Variants in SUN2 observed in about 807,000 individuals in gnomAD.
SUN2 encodes SUN domain-containing protein 2.
Under a neutral mutation model 100.0 loss-of-function variants are expected in SUN2, and 60 were observed. That is an observed-to-expected ratio of 0.60 (90% CI 0.49 to 0.74). The LOEUF is 0.74. SUN2 is among the 30% of genes least tolerant of loss of function. The pLI, the probability that SUN2 is intolerant of heterozygous loss-of-function variation, is 0.00. For missense variants in SUN2, 834 were observed against 954.6 expected (o/e 0.87, Z 1.66); for synonymous variants, 367 against 403.3 (o/e 0.91, Z 1.08).
chr22:38,744,978 C>T, intron 8 of SUN2: 1 of 463,780 alleles, frequency 2.2e-6, no homozygotes, highest in Middle Eastern at 3.3e-4. Flanking sequence ...TGTCATGTGA[C>T]CTTGTGGGCT....
At position 38,739,560 on chromosome 22, in the gene SUN2, G is replaced by T; in HGVS notation, c.1579-134C>A. ...CTGTGCTGGTGCCCAGGCAGATGTG[G>T]GCACACTGCCACCCACCCATGCCAG... On this transcript the variant is annotated intron_variant, in intron 13 of 17. Transcript: ENST00000689035. The surrounding 1 kb of genome is among the most constrained non-coding windows in gnomAD (Gnocchi z 6.7). 7.7e-7 allele frequency: 1 copy of T among 1,302,330 alleles called. No homozygotes were observed. The allele number at this position is 1,302,330 out of a possible 1,614,324, so 80.7% of individuals were successfully genotyped here.
intron 1 of SUN2, 40 bp from the exon 2 acceptor site, chr22:38,752,705 GGCTGTCCC>G: frequency 3.8e-6 from 6 of 1,568,462 alleles, no homozygotes; most frequent in Non-Finnish European, 5.2e-6. Context: ...TGAGGCCTGG[GGCTGTCCC>G]CAGCTCCTCT....
chr22:38,744,261 CAAAAAA>C (rs35027225), intron 8 of SUN2, among the ~76,000 whole-genome samples: 1 of 60,720 alleles, frequency 1.6e-5, no homozygotes, highest in Non-Finnish European at 3.2e-5. Context: ...GACTCTGTCT[CAAAAAA>C]AAAAAAAAAA....
At position 38,740,258 on chromosome 22, in the gene SUN2, C is replaced by T; in HGVS notation, c.1356+9G>A. 6.4e-7 allele frequency: 1 copy of T among 1,558,948 alleles called. No homozygotes were observed. The highest frequency in any genetic ancestry group is 8.7e-7 in the Non-Finnish European group (1 of 1,150,422). On this transcript the variant is annotated intron_variant, in intron 12 of 17. Coordinates refer to ENST00000689035, the MANE Select transcript of SUN2 (RefSeq NM_015374.3). This position sits in a 1 kb window ranked among gnomAD's most constrained non-coding sequence, Gnocchi z 4.8. ...AGGGACCAGCAGGGCCCTGGTGGTT[C>T]CCACTCACGTCGTCCCGCACGGCCT... is the stretch of plus-strand genomic sequence containing the variant.
Position 38,752,606 on chromosome 22 carries a change from A to C in SUN2, c.23T>G (p.Leu8Arg), listed in dbSNP as rs750875325. The change falls in exon 2 of 18, where the codon CTC becomes CGC. Residue 8 changes from leucine to arginine, a missense_variant. Around this residue, in one of 3 missense-constraint regions of SUN2, gnomAD observed 559 missense variants for 597.7 expected, o/e 0.94. Coordinates refer to ENST00000689035, the MANE Select transcript of SUN2 (RefSeq NM_015374.3). ...ATCGTCACCCTGGGAGTAGCGCGTG[A>C]GGCGCTGGCTTCTTCGGGACATGAT... MSRRSQR[L>R]TRYSQGDDDG... 3 of 1,613,748 alleles carry C rather than the reference A, an allele frequency of 1.9e-6. No homozygotes were observed. In the African/African-American group the frequency reaches 4.0e-5, roughly 22 times the overall value.
At chr22:38,736,411 C>G (rs1200886003) in intron 17 of SUN2, 31 bp from the exon 18 acceptor site, 1 of 1,576,594 alleles carries the variant, frequency 6.3e-7, no homozygotes, top group Admixed American at 1.8e-5. Context: ...TTAAGAGCAT[C>G]AGAGACCTGT....
rs1479636846 is a variant in SUN2 at position 38,735,516 on chromosome 22, C to G, written c.*751G>C. On this transcript the variant is annotated 3_prime_UTR_variant, in exon 18 of 18. Transcript: ENST00000689035. ...GGCAGGCCCTAGCAGGAACAGGGAG[C>G]AGGGTGGGCCCCAACCTAGCATCAG... The G allele has an allele frequency of 3.7e-6, 1 of 273,834 alleles. No homozygotes were observed. Among genetic ancestry groups the G allele is most frequent in the Non-Finnish European group, 7.2e-6 (1 of 137,986 alleles). 17.0% of individuals were successfully genotyped at this position (273,834 alleles called of 1,614,324 possible). A position where few individuals can be genotyped will look rare whatever the true frequency, so the allele number is the denominator to read the frequency against.
intron 7 of SUN2, 128 bp downstream of exon 7, chr22:38,748,585 A>G: frequency 9.4e-7 from 1 of 1,060,348 alleles, no homozygotes; most frequent in Non-Finnish European, 1.4e-6. Context: ...TCCAGGGTCC[A>G]GGGCTCAGGC....
Position 38,751,000 on chromosome 22 carries a change from C to A in SUN2, c.322G>T (p.Gly108Cys). The part of the protein sequence containing the change: ...DLRVRRRRGT[G>C]GSESSRASGL... The stretch of plus-strand genomic sequence containing the variant: ...CTGGCCCTGCTGCTCTCTGAGCCAC[C>A]CGTGCCTCTCCTCCTCCGCACCCGC... The change falls in exon 4 of 18, where the codon GGT becomes TGT. Residue 108 changes from glycine (G) to cysteine (C), a missense_variant. Coordinates refer to ENST00000689035, the MANE Select transcript of SUN2 (RefSeq NM_015374.3). 1 of 1,613,662 alleles carries A rather than the reference C, an allele frequency of 6.2e-7. No homozygotes were observed. Among genetic ancestry groups the A allele is most frequent in the South Asian group, 1.1e-5 (1 of 91,056 alleles).
Position 38,736,311 on chromosome 22 carries a change from T to C in SUN2, c.2110A>G (p.Thr704Ala). Residue 704 changes from threonine to alanine, a missense_variant, in exon 18 of 18, where the codon ACC (threonine) becomes GCC (alanine). Physicochemically the swap from Thr to Ala is moderately conservative, Grantham distance 58. Around this residue, in one of 3 missense-constraint regions of SUN2, gnomAD observed 80 missense variants for 76.7 expected, o/e 1.04. Coordinates refer to ENST00000689035, the MANE Select transcript of SUN2 (RefSeq NM_015374.3). ...TGCACTCTGAAGCGGTAGATGCAGGTGTACTCGGGGTGGCCCCAGTTAGTC... is the reference window on the plus strand; with the variant it reads ...TGCACTCTGAAGCGGTAGATGCAGGCGTACTCGGGGTGGCCCCAGTTAGTC... ...ILTNWGHPEY[T>A]CIYRFRVHGE... is the part of the protein sequence containing the mutation. The C allele has an allele frequency of 6.2e-7, 1 of 1,614,026 alleles. No homozygotes were observed. Among genetic ancestry groups the C allele is most frequent in the Non-Finnish European group, 8.5e-7 (1 of 1,179,942 alleles).
At position 38,736,305 on chromosome 22, in the gene SUN2, T is replaced by TG. The variant is rs2092804242; in HGVS notation, c.2115dup (p.Ile706HisfsTer28). On this transcript the variant is annotated frameshift_variant, in exon 18 of 18. Coordinates refer to ENST00000689035, the MANE Select transcript of SUN2 (RefSeq NM_015374.3). LOFTEE classifies it high-confidence loss of function. The stretch of plus-strand genomic sequence containing the variant: ...TCCCCATGCACTCTGAAGCGGTAGA[T>TG]GCAGGTGTACTCGGGGTGGCCCCAG... 6.2e-7 allele frequency: 1 copy of TG among 1,614,014 alleles called. No individual in the cohort carries two copies.
chr22:38,738,764 C>T lies in SUN2; in HGVS notation c.1780-10G>A. ...CTGGGTGCACATCTGGCTGGAGGAG[C>T]AGAAAGTCATGTCAGGACAGGGCCC... On this transcript the variant is annotated splice_polypyrimidine_tract_variant and intron_variant, in intron 15 of 17. Transcript: ENST00000689035. This position sits in a 1 kb window ranked among gnomAD's most constrained non-coding sequence, Gnocchi z 6.6. 1 of 1,612,562 alleles carries T rather than the reference C, an allele frequency of 6.2e-7. No homozygotes were observed. The highest frequency in any genetic ancestry group is 8.5e-7 in the Non-Finnish European group (1 of 1,179,346).
In SUN2 at chr22:38,736,463, C is replaced by T. The variant is rs76645925; in HGVS notation, c.2041-83G>A. On this transcript the variant is annotated intron_variant, in intron 17 of 17. Transcript: ENST00000689035. ...AGAAGGTGGGAAGGGGAGACAGCCT[C>T]GCCTAGGGCCAGATGGCTCCCCTGC... 2,477 of 1,159,168 alleles carry T rather than the reference C, an allele frequency of 2.1e-3. 50 individuals carry two copies. In the African/African-American group the frequency reaches 0.034, roughly 16 times the overall value. 71.8% of individuals were successfully genotyped at this position (1,159,168 alleles called of 1,614,324 possible).
At chr22:38,751,498 C>G (rs568234834) in intron 2 of SUN2, 125 bp from the exon 3 acceptor site, 2 of 963,506 alleles carry the variant, frequency 2.1e-6, no homozygotes, top group African/African-American at 3.3e-5. Context: ...TGCTAGGCAA[C>G]TCGCAGCTGC....
chr22:38,736,616 C>T (rs1731242543), intron 17 of SUN2: 3 of 377,998 alleles, frequency 7.9e-6, no homozygotes, highest in Non-Finnish European at 1.4e-5. Flanking sequence ...GGAATGAATT[C>T]ATCCACAATC....
rs1312409391 is a variant in SUN2, at chr22:38,738,775, G to A, written c.1780-21C>T. Reference sequence around the variant, plus strand: ...TCTGGCTGGAGGAGCAGAAAGTCATGTCAGGACAGGGCCCTGAGTCCAGCT... The same window carrying A: ...TCTGGCTGGAGGAGCAGAAAGTCATATCAGGACAGGGCCCTGAGTCCAGCT... On this transcript the variant is annotated intron_variant, in intron 15 of 17. Transcript: ENST00000689035. This position sits in a 1 kb window ranked among gnomAD's most constrained non-coding sequence, Gnocchi z 6.6. 6.2e-7 allele frequency: 1 copy of A among 1,611,606 alleles called. No homozygotes were observed. The highest frequency in any genetic ancestry group is 8.5e-7 in the Non-Finnish European group (1 of 1,178,730).
Position 38,749,744 on chromosome 22 carries a change from G to A in SUN2, c.614+22C>T, listed in dbSNP as rs535527925. 8 of 1,611,264 alleles carry A rather than the reference G, an allele frequency of 5.0e-6. No individual in the cohort carries two copies. In the Admixed American group the frequency reaches 6.7e-5, roughly 13 times the overall value. On this transcript the variant is annotated intron_variant, in intron 6 of 17. Coordinates refer to ENST00000689035, the MANE Select transcript of SUN2 (RefSeq NM_015374.3). ...CACCCCAGGGCCTTGCGATTTATTG[G>A]CAAGGGTGGAGTCTCGCTCACCTGG...
intron 7 of SUN2, 81 bp from the exon 8 acceptor site, chr22:38,745,892 T>C (rs1171501430): frequency 1.3e-6 from 2 of 1,546,282 alleles, no homozygotes; most frequent in East Asian, 2.3e-5. Flanking sequence ...ACCTGATCCC[T>C]GCCAGTGCTT....
chr22:38,749,120 G>A, intron 6 of SUN2: 1 of 261,530 alleles, frequency 3.8e-6, no homozygotes, highest in Non-Finnish European at 7.4e-6. Flanking sequence ...TAACAACAAG[G>A]AACCTGTTTT....
Sources: gnomAD v4.1 joint callset for allele counts (sites outside exome capture counted in the v4.1 genomes callset) on GRCh38, gnomAD v4.1.1 for gene constraint, gnomAD v4.1.1 regional missense constraint, Gnocchi (gnomAD v3.1) non-coding constraint, MANE v1.5 for transcripts, NCBI Gene and HGNC (gene_info 2026-07-23, HGNC 2026-07-21) for gene names.